Variants in TAPT1 observed in about 807,000 individuals in gnomAD.
The protein encoded by TAPT1 is transmembrane anterior posterior transformation 1.
A neutral mutation model predicts 65.6 loss-of-function variants in TAPT1; 28 were observed. That is an observed-to-expected ratio of 0.43 (90% CI 0.32 to 0.59). TAPT1 has a LOEUF of 0.59. Ranked by LOEUF, TAPT1 falls within the 20% of genes least tolerant of loss-of-function variation. The probability of loss-of-function intolerance (pLI) is 0.09; values close to 1 mark genes in which losing one functional copy is unlikely to be tolerated. For synonymous variants in TAPT1, 278 were observed against 245.2 expected (o/e 1.13, Z -1.25); for missense variants, 563 against 679.9 (o/e 0.83, Z 1.91).
chr4:16,194,132 T>C (rs1454759782), intron 3 of TAPT1, among the ~76,000 whole-genome samples: 1 of 152,214 alleles, frequency 6.6e-6, no homozygotes, highest in African/African-American at 2.4e-5. Flanking sequence ...AAGCCATAGT[T>C]AGAAATTAGA....
intron 11 of TAPT1, 54 bp downstream of exon 11, chr4:16,174,150 A>G (rs1748177385): frequency 2.0e-5 from 26 of 1,296,648 alleles, no homozygotes; most frequent in Non-Finnish European, 2.7e-5. Context: ...ATTTATTAAT[A>G]TTCTATAATG....
intron 12 of TAPT1, among the ~76,000 whole-genome samples, chr4:16,168,703 G>A (rs1747799385): frequency 6.6e-6 from 1 of 152,244 alleles, no homozygotes; most frequent in South Asian, 2.1e-4. Flanking sequence ...ACTGTCAATA[G>A]AGTGACTTGT....
At chr4:16,227,326 G>T (rs1030448686), upstream of TAPT1, 21 of 456,102 alleles carry the variant, frequency 4.6e-5, no homozygotes, top group African/African-American at 3.8e-4. Flanking sequence ...CTTTACTTGG[G>T]GCTGGACCTC....
At chr4:16,193,989 G>C (rs1265575646) in intron 3 of TAPT1, among the ~76,000 whole-genome samples, 1 of 152,210 alleles carries the variant, frequency 6.6e-6, no homozygotes, top group Non-Finnish European at 1.5e-5. Flanking sequence ...TTAGTTGAGT[G>C]ATCTCAGTCA....
intron 4 of TAPT1, among the ~76,000 whole-genome samples, chr4:16,188,825 C>T (rs1578440194): frequency 6.6e-6 from 1 of 151,886 alleles, no homozygotes; most frequent in Admixed American, 6.6e-5. Context: ...GAGGCTGAGG[C>T]AGGAGAATGA....
chr4:16,196,512 T>C (rs1283547896), intron 3 of TAPT1: 5 of 360,672 alleles, frequency 1.4e-5, no homozygotes, highest in African/African-American at 2.1e-5. Context: ...CAAGTAAAGA[T>C]GCTATTTTAA....
At chr4:16,170,565 T>C (rs1359574672) in intron 12 of TAPT1, 88 bp downstream of exon 12, 4 of 873,264 alleles carry the variant, frequency 4.6e-6, no homozygotes, top group Middle Eastern at 2.9e-4. Context: ...AGACTGGGAG[T>C]AGTATGATTG....
At chr4:16,227,356 G>A, upstream of TAPT1, 1 of 454,324 alleles carries the variant, frequency 2.2e-6, no homozygotes, top group Non-Finnish European at 4.4e-6. Context: ...GCTCTGGCGT[G>A]TGACCCCGCA....
At chr4:16,170,556 G>C (rs372381852) in intron 12 of TAPT1, 97 bp downstream of exon 12, 1 of 804,756 alleles carries the variant, frequency 1.2e-6, no homozygotes, top group South Asian at 1.8e-5. Context: ...CCCTGGCATA[G>C]ACTGGGAGTA....
intron 11 of TAPT1, among the ~76,000 whole-genome samples, chr4:16,171,971 A>G (rs1326512511): frequency 6.6e-6 from 1 of 152,080 alleles, no homozygotes; most frequent in Non-Finnish European, 1.5e-5. Context: ...TGCCTTAATT[A>G]AAGAATTAAC....
At chr4:16,218,224 C>T (rs1178304202) in intron 1 of TAPT1, among the ~76,000 whole-genome samples, 5 of 152,138 alleles carry the variant, frequency 3.3e-5, no homozygotes, top group South Asian at 4.2e-4. Context: ...TCCAAAATGG[C>T]GAAACCCCGT....
At chr4:16,221,271 G>A (rs1751240630) in intron 1 of TAPT1, among the ~76,000 whole-genome samples, 2 of 151,876 alleles carry the variant, frequency 1.3e-5, no homozygotes, top group South Asian at 4.2e-4. Context: ...GATTACAGGC[G>A]CACACCTCCA....
At chr4:16,186,415 C>T (rs1749021605) in intron 7 of TAPT1, 120 bp downstream of exon 7, 1 of 626,794 alleles carries the variant, frequency 1.6e-6, no homozygotes, top group South Asian at 2.2e-5. Context: ...ATGTTGATAG[C>T]ATAAGAGAAG....
intron 3 of TAPT1, among the ~76,000 whole-genome samples, chr4:16,194,527 C>G (rs900410865): frequency 6.6e-6 from 1 of 152,092 alleles, no homozygotes; most frequent in Non-Finnish European, 1.5e-5. Context: ...AACTCAGAAC[C>G]TACTATCTTT....
intron 1 of TAPT1, among the ~76,000 whole-genome samples, chr4:16,216,822 C>G (rs570013095): frequency 3.3e-4 from 51 of 152,276 alleles, no homozygotes; most frequent in African/African-American, 1.2e-3. Flanking sequence ...CACCTGGCAG[C>G]CAGTCAGCAG....
At position 16,161,817 on chromosome 4, in the gene TAPT1, A is replaced by G. The variant is rs2149658805; in HGVS notation, c.*1491T>C. Reference sequence around the variant, plus strand: ...TAAAGCTTGCTTTATATTTCATCCAAGAAACAGACAAATCACCTAAAAATT... The same window carrying G: ...TAAAGCTTGCTTTATATTTCATCCAGGAAACAGACAAATCACCTAAAAATT... On this transcript the variant is annotated 3_prime_UTR_variant, in exon 14 of 14. Coordinates refer to ENST00000405303, the MANE Select transcript of TAPT1 (RefSeq NM_153365.3). The G allele has an allele frequency of 1.3e-5, 2 of 152,332 alleles. No individual in the cohort carries two copies. The highest frequency in any genetic ancestry group is 4.1e-4 in the South Asian group (2 of 4,830). The allele number at this position is 152,332 out of a possible 1,614,324, so 9.4% of individuals were successfully genotyped here. A position where few individuals can be genotyped will look rare whatever the true frequency, so the allele number is the denominator to read the frequency against.
At chr4:16,187,503 C>T (rs1250904543) in intron 5 of TAPT1, among the ~76,000 whole-genome samples, 1 of 152,048 alleles carries the variant, frequency 6.6e-6, no homozygotes, top group Non-Finnish European at 1.5e-5. Context: ...TCCATTAAAA[C>T]TGGAACAAGA....
intron 2 of TAPT1, 71 bp from the exon 3 acceptor site, chr4:16,202,651 A>C: frequency 2.5e-6 from 2 of 812,582 alleles, no homozygotes; most frequent in East Asian, 2.8e-5. Flanking sequence ...AATTCCAAAC[A>C]ACCAGAATTT....
At chr4:16,186,752 CA>C in intron 6 of TAPT1, 28 bp downstream of exon 6, 1 of 1,532,040 alleles carries the variant, frequency 6.5e-7, no homozygotes, top group Non-Finnish European at 9.0e-7. Context: ...TGTATAACTT[CA>C]AAAATGTAAG....
Sources: allele counts gnomAD v4.1 joint callset (sites outside exome capture counted in the v4.1 genomes callset), GRCh38; gene constraint gnomAD v4.1.1; transcripts MANE v1.5; gene names NCBI Gene and HGNC (gene_info 2026-07-23, HGNC 2026-07-21).